TBC1D30: variants seen among roughly 807,000 people sequenced by gnomAD.
TBC1D30 encodes TBC1 domain family member 30, also known as TBC1 domain family, member 30.
Under a neutral mutation model 63.2 loss-of-function variants are expected in TBC1D30, and 31 were observed. The ratio of observed to expected loss-of-function variants is 0.49; its 90% CI spans 0.37 to 0.66. The LOEUF (loss-of-function observed/expected upper bound fraction) is 0.66, where lower values mean the gene tolerates loss of function less well. Ranked by LOEUF, TBC1D30 falls within the 30% of genes least tolerant of loss-of-function variation. TBC1D30 has a pLI of 0.00. For missense variants in TBC1D30, 810 were observed against 953.6 expected, an observed-to-expected ratio of 0.85 and a Z score of 1.98; for synonymous variants, 307 against 361.5, an observed-to-expected ratio of 0.85 and a Z score of 1.71.
intron 5 of TBC1D30, among the ~76,000 whole-genome samples, chr12:64,835,240 A>G (rs1301351068): frequency 6.6e-6 from 1 of 152,158 alleles, no homozygotes; most frequent in Non-Finnish European, 1.5e-5. Flanking sequence ...GGGTCTGGCC[A>G]CCTTACAGCA....
rs1879425330 is a variant in TBC1D30 at position 64,880,932 on chromosome 12, G to A, written c.*5144G>A. 6.6e-6 allele frequency: 1 copy of A among 152,118 alleles called. No individual in the cohort carries two copies. Among genetic ancestry groups the A allele is most frequent in the South Asian group, 2.1e-4 (1 of 4,822 alleles). 9.4% of individuals were successfully genotyped at this position (152,118 alleles called of 1,614,324 possible). On this transcript the variant is annotated 3_prime_UTR_variant, in exon 12 of 12. Coordinates refer to ENST00000539867, the MANE Select transcript of TBC1D30 (RefSeq NM_015279.2). The stretch of plus-strand genomic sequence containing the variant: ...TCTCCTATGGGACCAACAGTTTTCT[G>A]GGAAGAAACTTCCTGATACCTCAGC...
At chr12:64,857,248 C>T (rs1004161251) in intron 8 of TBC1D30, among the ~76,000 whole-genome samples, 1 of 152,214 alleles carries the variant, frequency 6.6e-6, no homozygotes, top group Non-Finnish European at 1.5e-5. Flanking sequence ...CCATGGCATA[C>T]TCCCTGGATA....
Position 64,842,779 on chromosome 12 carries a change from T to C in TBC1D30, c.933-601T>C, listed in dbSNP as rs574780775. Among the ~76,000 whole-genome samples, 3 of 152,138 alleles carry C rather than the reference T, an allele frequency of 2.0e-5. No individual in the cohort carries two copies. The East Asian group carries it at 5.8e-4, about 29-fold the overall frequency. On this transcript the variant is annotated intron_variant, in intron 7 of 11. Coordinates refer to ENST00000539867, the MANE Select transcript of TBC1D30 (RefSeq NM_015279.2). ...TTTCATGGTTATGCTTTCTAACGAG[T>C]GGTGGGAATTCTGATGTGTAGATTG...
intron 9 of TBC1D30, among the ~76,000 whole-genome samples, chr12:64,866,237 AAAG>A (rs1878204222): frequency 6.6e-6 from 1 of 152,202 alleles, no homozygotes; most frequent in Admixed American, 6.5e-5. Flanking sequence ...AGTTATGCAA[AAAG>A]AAGAGAAAAA....
At chr12:64,871,854 T>A (rs116838022) in intron 11 of TBC1D30, among the ~76,000 whole-genome samples, 424 of 152,330 alleles carry the variant, frequency 2.8e-3, no homozygotes, top group African/African-American at 9.8e-3. Context: ...ACAGGTGTTC[T>A]GATTCTTTGT....
At chr12:64,867,587 T>C (rs1878331511) in intron 10 of TBC1D30, among the ~76,000 whole-genome samples, 1 of 152,228 alleles carries the variant, frequency 6.6e-6, no homozygotes, top group Non-Finnish European at 1.5e-5. Context: ...TGGTGACTTT[T>C]GCTCCCATGC....
intron 1 of TBC1D30, among the ~76,000 whole-genome samples, chr12:64,773,447 A>G (rs1870976156): frequency 6.6e-6 from 1 of 151,700 alleles, no homozygotes; most frequent in Admixed American, 6.6e-5. Flanking sequence ...TGGGAGAGGA[A>G]GTATATCCCA....
chr12:64,838,516 C>A lies in TBC1D30; in HGVS notation c.764-167C>A, dbSNP rs144424730. On this transcript the variant is annotated intron_variant, in intron 6 of 11. Transcript: ENST00000539867. Reference sequence around the variant, plus strand: ...CATATTTGTTAAGCATACCTGTGTTCTTCCAGAAACATGGCAGAAAAAAGA... The same window carrying A: ...CATATTTGTTAAGCATACCTGTGTTATTCCAGAAACATGGCAGAAAAAAGA... Among the ~76,000 whole-genome samples the A allele has an allele frequency of 2.2e-3, 335 of 152,222 alleles. 2 individuals carry two copies. Among genetic ancestry groups the A allele is most frequent in the African/African-American group, 7.6e-3 (317 of 41,522 alleles).
chr12:64,872,988 A>G (rs1878775453), intron 11 of TBC1D30, among the ~76,000 whole-genome samples: 1 of 152,150 alleles, frequency 6.6e-6, no homozygotes, highest in South Asian at 2.1e-4. Flanking sequence ...GAGCTACAAG[A>G]TGAGATTTGG....
In TBC1D30 at chr12:64,866,764, A is replaced by G. The variant is rs1381338554; in HGVS notation, c.1152A>G (p.Gly384=). The G allele has an allele frequency of 2.0e-6, 3 of 1,534,206 alleles. No individual in the cohort carries two copies. Among genetic ancestry groups the G allele is most frequent in the Non-Finnish European group, 2.6e-6 (3 of 1,146,452 alleles). ...PATVKPTSVS[G]RHSKARDSDE... is the part of the protein sequence containing the mutation. ...TTTTTTGTCTTTTATGTTTTCCAAG[A>G]CGACATAGTAAGGCCAGAGACAGTG... Residue 384 remains glycine (G), a splice_region_variant and synonymous_variant, in exon 10 of 12, where the codon GGA becomes GGG. Transcript: ENST00000539867.
chr12:64,836,774 G>T (rs1875401386), intron 6 of TBC1D30, 116 bp downstream of exon 6: 2 of 1,061,546 alleles, frequency 1.9e-6, no homozygotes, highest in Admixed American at 2.9e-5. Flanking sequence ...GTAAGAGCTT[G>T]GTGTAATGAA....
At chr12:64,830,930 G>T (rs560585475) in intron 4 of TBC1D30, among the ~76,000 whole-genome samples, 6 of 152,284 alleles carry the variant, frequency 3.9e-5, no homozygotes, top group African/African-American at 1.4e-4. Context: ...CACAGGTGGG[G>T]CCTACTTCCA....
intron 2 of TBC1D30, among the ~76,000 whole-genome samples, chr12:64,789,857 G>A (rs954116685): frequency 3.3e-5 from 5 of 152,192 alleles, no homozygotes; most frequent in Non-Finnish European, 7.4e-5. Flanking sequence ...AATAAGAGCA[G>A]CAGCAGCTGT....
intron 1 of TBC1D30, among the ~76,000 whole-genome samples, chr12:64,761,010 G>A (rs1159967164): frequency 6.7e-6 from 1 of 149,370 alleles, no homozygotes; most frequent in Non-Finnish European, 1.5e-5. Flanking sequence ...CCTACAGAAG[G>A]CAAAAGAAGC....
chr12:64,831,975 G>C (rs895597897), intron 4 of TBC1D30, 144 bp from the exon 5 acceptor site: 1 of 618,726 alleles, frequency 1.6e-6, no homozygotes, highest in African/African-American at 1.8e-5. Context: ...AATGCATTTT[G>C]GCTCATATGT....
chr12:64,803,366 T>A (rs1803687824), intron 2 of TBC1D30, among the ~76,000 whole-genome samples: 1 of 152,210 alleles, frequency 6.6e-6, no homozygotes, highest in Non-Finnish European at 1.5e-5. Flanking sequence ...TCTTGTAAAT[T>A]TGTTTAAGTT....
At chr12:64,805,731 G>A (rs191423584) in intron 2 of TBC1D30, among the ~76,000 whole-genome samples, 118 of 152,256 alleles carry the variant, frequency 7.8e-4, no homozygotes, top group Non-Finnish European at 1.6e-3. Flanking sequence ...TACTTGGGAG[G>A]TGGAGGCAGG....
Position 64,880,565 on chromosome 12 carries a change from C to G in TBC1D30, c.*4777C>G, listed in dbSNP as rs1275040500. The G allele has an allele frequency of 6.6e-6, 1 of 152,258 alleles. No individual in the cohort carries two copies. The highest frequency in any genetic ancestry group is 6.5e-5 in the Admixed American group (1 of 15,288). The allele number at this position is 152,258 out of a possible 1,614,324, so 9.4% of individuals were successfully genotyped here. A position where few individuals can be genotyped will look rare whatever the true frequency, so the allele number is the denominator to read the frequency against. The stretch of plus-strand genomic sequence containing the variant: ...CTTCTGATAAGGGCACTAACCTCAT[C>G]ATGAGGGTCCCATCCTCCTGGTGTC... On this transcript the variant is annotated 3_prime_UTR_variant, in exon 12 of 12. Transcript: ENST00000539867.
intron 8 of TBC1D30, among the ~76,000 whole-genome samples, chr12:64,856,703 T>G (rs1877332956): frequency 6.6e-6 from 1 of 151,804 alleles, no homozygotes; most frequent in African/African-American, 2.4e-5. Context: ...AGGCCCCAGG[T>G]GTGTCTAGAG....
Sources: allele counts gnomAD v4.1 joint callset (sites outside exome capture counted in the v4.1 genomes callset), GRCh38; gene constraint gnomAD v4.1.1; transcripts MANE v1.5; gene names NCBI Gene and HGNC (gene_info 2026-07-23, HGNC 2026-07-21).